GRAMD1A: variants seen among roughly 807,000 people sequenced by gnomAD.
The protein encoded by GRAMD1A is protein Aster-A.
In GRAMD1A, 50 loss-of-function variants were observed where a neutral mutation model predicts 92.0. That is an observed-to-expected ratio of 0.54 (90% confidence interval 0.43 to 0.69). The LOEUF (loss-of-function observed/expected upper bound fraction) is 0.69, where lower values mean the gene tolerates loss of function less well. Ranked by LOEUF, GRAMD1A falls within the 30% of genes least tolerant of loss-of-function variation. GRAMD1A has a pLI of 0.00. For missense variants in GRAMD1A, 819 were observed against 978.9 expected, an observed-to-expected ratio of 0.84 and a Z score of 2.18; for synonymous variants, 405 against 403.6, an observed-to-expected ratio of 1.00 and a Z score of -0.04.
At chr19:35,023,657 C>A in intron 19 of GRAMD1A, 110 bp downstream of exon 19, 3 of 1,085,950 alleles carry the variant, frequency 2.8e-6, no homozygotes, top group Non-Finnish European at 3.8e-6. Flanking sequence ...GTGTCCTCCT[C>A]TGTAAAATGA....
chr19:35,016,918 A>T (rs2015678440), intron 11 of GRAMD1A, among the ~76,000 whole-genome samples: 1 of 150,024 alleles, frequency 6.7e-6, no homozygotes, highest in African/African-American at 2.5e-5. Context: ...AAAAAAAAAA[A>T]AAAAGGTGGG....
chr19:34,998,010 G>A (rs1183675818), upstream of GRAMD1A, among the ~76,000 whole-genome samples: 1 of 149,688 alleles, frequency 6.7e-6, no homozygotes, highest in African/African-American at 2.5e-5. Context: ...GGAGGCTGCA[G>A]TGAGCCAAGA....
chr19:35,000,376 C>T lies in GRAMD1A; in HGVS notation c.-103C>T. On this transcript the variant is annotated 5_prime_UTR_variant, in exon 1 of 20. Transcript: ENST00000317991. The surrounding 1 kb of genome is among the most constrained non-coding windows in gnomAD (Gnocchi z 4.9). ...GGGCGGCGGCCGCGGAAGGCCAGGC[C>T]GGTGCCCTGCGGGGACGCCCAGCGC... is the stretch of plus-strand genomic sequence containing the variant. The T allele has an allele frequency of 1.8e-6, 2 of 1,133,330 alleles. No individual in the cohort carries two copies. Among genetic ancestry groups the T allele is most frequent in the Non-Finnish European group, 2.2e-6 (2 of 925,926 alleles). The allele number at this position is 1,133,330 out of a possible 1,614,324, so 70.2% of individuals were successfully genotyped here.
At chr19:35,008,372 G>A (rs1279415381) in intron 1 of GRAMD1A, among the ~76,000 whole-genome samples, 1 of 151,132 alleles carries the variant, frequency 6.6e-6, no homozygotes, top group Non-Finnish European at 1.5e-5. Context: ...TTGAGAGCTC[G>A]CTATGTGCCA....
At chr19:35,009,690 G>C in intron 3 of GRAMD1A, 198 bp from the exon 4 acceptor site, 1 of 634,298 alleles carries the variant, frequency 1.6e-6, no homozygotes, top group Non-Finnish European at 2.8e-6. Context: ...ATGAGTCAGT[G>C]ATGCTGGTGG....
chr19:35,026,007 C>T (rs1424705989), intron 19 of GRAMD1A, 42 bp from the exon 20 acceptor site: 6 of 998,146 alleles, frequency 6.0e-6, no homozygotes, highest in Non-Finnish European at 9.7e-6. Context: ...ACCCCCCAGC[C>T]TCCAGCGTTC....
intron 1 of GRAMD1A, among the ~76,000 whole-genome samples, chr19:35,001,528 C>T (rs893361991): frequency 2.6e-5 from 4 of 151,988 alleles, no homozygotes; most frequent in Non-Finnish European, 4.4e-5. Flanking sequence ...GGTGTGTGTA[C>T]AAGTGTGCCT....
At chr19:35,015,722 T>G in intron 10 of GRAMD1A, 102 bp from the exon 11 acceptor site, 1 of 1,114,752 alleles carries the variant, frequency 9.0e-7, no homozygotes, top group Admixed American at 2.7e-5. Flanking sequence ...GGAGGTGGGG[T>G]CCGCCCATGC....
At chr19:35,012,437 A>G (rs769479707) in intron 7 of GRAMD1A, among the ~76,000 whole-genome samples, 1 of 152,266 alleles carries the variant, frequency 6.6e-6, no homozygotes, top group African/African-American at 2.4e-5. Flanking sequence ...GTCTGCTGCT[A>G]TCATCACTTA....
chr19:35,006,373 G>A (rs766211682), intron 1 of GRAMD1A, among the ~76,000 whole-genome samples: 4 of 152,190 alleles, frequency 2.6e-5, no homozygotes, highest in Non-Finnish European at 5.9e-5. Flanking sequence ...ATGGCAAGTG[G>A]TTTGCCGCTT....
chr19:35,022,596 G>C (rs565059814), intron 16 of GRAMD1A, among the ~76,000 whole-genome samples: 10 of 152,292 alleles, frequency 6.6e-5, no homozygotes, highest in Admixed American at 2.0e-4. Context: ...CTGAGAGAGT[G>C]GAGACCGCGT....
At chr19:34,999,954 G>C, upstream of GRAMD1A, 3 of 982,974 alleles carry the variant, frequency 3.1e-6, no homozygotes, top group Non-Finnish European at 3.6e-6. Context: ...AGCATCTCCA[G>C]TCCTCCCCCA....
upstream of GRAMD1A, among the ~76,000 whole-genome samples, chr19:34,998,753 G>A (rs1295401094): frequency 2.0e-5 from 3 of 151,418 alleles, no homozygotes. Context: ...AATGTCAGAT[G>A]GTGGATGGGG....
chr19:35,023,216 C>T lies in GRAMD1A; in HGVS notation c.1854-20C>T. Reference sequence around the variant, plus strand: ...AGCATCTAGACCCCAGGAATCCTGACCTCTGACCCCTGTCCCCAGCCTTAT... The same window carrying T: ...AGCATCTAGACCCCAGGAATCCTGATCTCTGACCCCTGTCCCCAGCCTTAT... On this transcript the variant is annotated intron_variant, in intron 17 of 19. Coordinates refer to ENST00000317991, the MANE Select transcript of GRAMD1A (RefSeq NM_020895.5). 6.3e-7 allele frequency: 1 copy of T among 1,578,736 alleles called. No individual in the cohort carries two copies. Among genetic ancestry groups the T allele is most frequent in the Non-Finnish European group, 8.7e-7 (1 of 1,147,694 alleles).
rs73038384 is a variant in GRAMD1A, at chr19:35,019,400, C to T, written c.1342C>T (p.Arg448Trp). Residue 448 changes from arginine to tryptophan, a missense_variant, in exon 13 of 20, where the codon CGG becomes TGG. This residue lies in a region of GRAMD1A where 577 missense variants were observed against 674.6 expected (regional missense o/e 0.86). Transcript: ENST00000317991. ...ASVVETQTLFRRGPQAGGCVV... is the reference protein window; with the variant it reads ...ASVVETQTLFWRGPQAGGCVV... ...GGCTCTGTCCCTGCAGACGCTGTTCCGGCGCGGCCCCCAGGCCGGCGGGTG... is the reference window on the plus strand; with the variant it reads ...GGCTCTGTCCCTGCAGACGCTGTTCTGGCGCGGCCCCCAGGCCGGCGGGTG... The T allele has an allele frequency of 0.025, 40,641 of 1,613,754 alleles. 654 individuals carry two copies. Among genetic ancestry groups the T allele is most frequent in the Non-Finnish European group, 0.03 (34,871 of 1,179,904 alleles).
At position 35,009,943 on chromosome 19, in the gene GRAMD1A, A is replaced by C. The variant is rs751840346; in HGVS notation, c.296A>C (p.Lys99Thr). ...GAGGACTTCCGGAAACTGTTCAGCA[A>C]ACTCCCCGAAGCAGAACGCCTCATT... ...RNEDFRKLFSKLPEAERLIVD... is the reference protein window; with the variant it reads ...RNEDFRKLFSTLPEAERLIVD... Residue 99 changes from lysine to threonine, a missense_variant, in exon 4 of 20, where the codon AAA becomes ACA. By Grantham distance (78) the Lys-to-Thr change is moderately conservative. Coordinates refer to ENST00000317991, the MANE Select transcript of GRAMD1A (RefSeq NM_020895.5). 1.2e-6 allele frequency: 2 copies of C among 1,612,428 alleles called. No homozygotes were observed. The highest frequency in any genetic ancestry group is 1.7e-6 in the Non-Finnish European group (2 of 1,178,500).
chr19:35,019,575 C>G, intron 13 of GRAMD1A, 42 bp downstream of exon 13: 2 of 1,583,632 alleles, frequency 1.3e-6, no homozygotes, highest in Non-Finnish European at 1.7e-6. Context: ...CCCTGGTGGC[C>G]CCAGGGCCTC....
At position 35,014,362 on chromosome 19, in the gene GRAMD1A, C is replaced by T; in HGVS notation, c.1044C>T (p.Asn348=). The T allele has an allele frequency of 1.2e-6, 2 of 1,614,172 alleles. No homozygotes were observed. The highest frequency in any genetic ancestry group is 2.7e-5 in the African/African-American group (2 of 75,060). The stretch of plus-strand genomic sequence containing the variant: ...AGGAGCTATTGACAGACACAAGTAA[C>T]TCCTCTTCATCCACTGGGGAGGAAG... The part of the protein sequence containing the change: ...PSEELLTDTS[N]SSSSTGEEAD... Residue 348 remains asparagine, a synonymous_variant, in exon 10 of 20, where the codon AAC becomes AAT. Coordinates refer to ENST00000317991, the MANE Select transcript of GRAMD1A (RefSeq NM_020895.5).
rs769182680 is a variant in GRAMD1A, at chr19:35,015,908, A to G, written c.1154A>G (p.Gln385Arg). ...CATGTGGGCGCTGAGCGGCTCCAGC[A>G]GATGCTCTTCTCGGACTCGCCCTTC... ...VFHVGAERLQ[Q>R]MLFSDSPFLQ... is the part of the protein sequence containing the mutation. The change falls in exon 11 of 20, where the codon CAG (glutamine) becomes CGG (arginine). Residue 385 changes from glutamine (Q) to arginine (R), a missense_variant. By Grantham distance (43) the Gln-to-Arg change is conservative. Transcript: ENST00000317991. The G allele has an allele frequency of 6.2e-7, 1 of 1,614,080 alleles. No homozygotes were observed. The highest frequency in any genetic ancestry group is 2.2e-5 in the East Asian group (1 of 44,868).
Sources: allele counts gnomAD v4.1 joint callset (sites outside exome capture counted in the v4.1 genomes callset), GRCh38; gene constraint gnomAD v4.1.1; regional missense constraint gnomAD v4.1.1; non-coding constraint Gnocchi (gnomAD v3.1); transcripts MANE v1.5; gene names NCBI Gene and HGNC (gene_info 2026-07-23, HGNC 2026-07-21).